Variants in NCALD observed in about 807,000 individuals in gnomAD.
NCALD encodes neurocalcin-delta.
Under a neutral mutation model 18.6 loss-of-function variants are expected in NCALD, and 10 were observed. The observed-to-expected ratio is 0.54, with a 90% CI of 0.33 to 0.91. The LOEUF (loss-of-function observed/expected upper bound fraction) is 0.91, where lower values mean the gene tolerates loss of function less well. Ranked by LOEUF, NCALD falls within the 40% of genes least tolerant of loss-of-function variation. NCALD has a pLI of 0.03. For synonymous variants in NCALD, 88 were observed against 87.4 expected (o/e 1.01, Z -0.04); for missense variants, 184 against 247.6 (o/e 0.74, Z 1.72).
chr8:101,760,147 C>G (rs1459423010), intron 1 of NCALD, among the ~76,000 whole-genome samples: 1 of 152,200 alleles, frequency 6.6e-6, no homozygotes, highest in Non-Finnish European at 1.5e-5. Flanking sequence ...CATCTCTTCC[C>G]ATTTCCTCCA....
intron 2 of NCALD, among the ~76,000 whole-genome samples, chr8:102,012,867 C>T (rs770892546): frequency 6.6e-6 from 1 of 152,116 alleles, no homozygotes; most frequent in Non-Finnish European, 1.5e-5. Context: ...AGCAGATCAC[C>T]ACATTGCAAG....
intron 3 of NCALD, among the ~76,000 whole-genome samples, chr8:101,907,193 T>G (rs1241793916): frequency 6.6e-6 from 1 of 152,208 alleles, no homozygotes; most frequent in Non-Finnish European, 1.5e-5. Context: ...AATGTCCTAC[T>G]CACCTTCTCT....
chr8:101,827,713 G>A (rs1813997391), intron 4 of NCALD, among the ~76,000 whole-genome samples: 1 of 152,146 alleles, frequency 6.6e-6, no homozygotes, highest in Non-Finnish European at 1.5e-5. Context: ...AACACACAAG[G>A]TTGTTAGGAA....
chr8:102,014,358 T>G (rs1237521911), intron 2 of NCALD, among the ~76,000 whole-genome samples: 2 of 152,150 alleles, frequency 1.3e-5, no homozygotes, highest in African/African-American at 4.8e-5. Context: ...TGAATTCCAT[T>G]CATGAGGGCC....
chr8:101,834,324 T>C (rs575164727), intron 4 of NCALD, among the ~76,000 whole-genome samples: 5 of 152,346 alleles, frequency 3.3e-5, no homozygotes, highest in African/African-American at 1.2e-4. Context: ...GCCCCAGGAA[T>C]GGCCTGCAAG....
chr8:101,859,191 G>A (rs550549574), intron 4 of NCALD, among the ~76,000 whole-genome samples: 44 of 152,102 alleles, frequency 2.9e-4, no homozygotes, highest in Admixed American at 9.8e-4. Flanking sequence ...TCTTTCTCCC[G>A]TGCCAGATGC....
chr8:101,691,126 G>A (rs999280315), intron 3 of NCALD: 10 of 985,212 alleles, frequency 1.0e-5, no homozygotes, highest in Non-Finnish European at 1.2e-5. Flanking sequence ...GGGTGCAGGT[G>A]TCCTCAATCC....
intron 4 of NCALD, among the ~76,000 whole-genome samples, chr8:101,829,393 A>C (rs1385516870): frequency 2.6e-5 from 4 of 152,234 alleles, no homozygotes; most frequent in Admixed American, 2.6e-4. Flanking sequence ...ATACAGTGTT[A>C]TAAAGACTCC....
At chr8:102,058,825 T>C (rs1269695) in intron 1 of NCALD, among the ~76,000 whole-genome samples, 16,769 of 152,260 alleles carry the variant, frequency 0.11, 1,191 homozygotes, top group African/African-American at 0.2. Context: ...TAGATTATCA[T>C]AGGTTTTTCA....
chr8:101,924,494 G>A (rs1159387168), intron 2 of NCALD, among the ~76,000 whole-genome samples: 1 of 152,192 alleles, frequency 6.6e-6, no homozygotes. Context: ...TCAGGAAGTG[G>A]AAAAGGCTTA....
intron 1 of NCALD, among the ~76,000 whole-genome samples, chr8:102,117,803 C>A (rs1019258701): frequency 2.0e-5 from 3 of 152,306 alleles, no homozygotes; most frequent in Admixed American, 2.0e-4. Flanking sequence ...ACCCACACCA[C>A]CTATTGACAG....
intron 4 of NCALD, among the ~76,000 whole-genome samples, chr8:101,859,728 T>C (rs73696528): frequency 0.024 from 3,603 of 152,250 alleles, 148 homozygotes; most frequent in African/African-American, 0.082. Context: ...AGAGAAAGGA[T>C]AAGAAGAGTA....
chr8:101,759,567 G>A (rs1038907206), intron 1 of NCALD, among the ~76,000 whole-genome samples: 1 of 152,186 alleles, frequency 6.6e-6, no homozygotes, highest in Non-Finnish European at 1.5e-5. Context: ...CCTGCCTGCT[G>A]TCAGGGCTAG....
rs764922081 is a variant in NCALD at position 102,080,498 on chromosome 8, T to C, written c.-210+43739A>G. ...GTTCTGTTCCTGTCAGAGCTGGTCA[T>C]AGAACTTCAGGGGACCTCAACCCTA... On this transcript the variant is annotated intron_variant, in intron 1 of 6. Transcript: ENST00000311028. Among the ~76,000 whole-genome samples, 64 of 152,318 alleles carry C rather than the reference T, an allele frequency of 4.2e-4. 1 individual carries two copies. The Middle Eastern group carries it at 0.01, about 24-fold the overall frequency.
intron 1 of NCALD, among the ~76,000 whole-genome samples, chr8:102,064,264 G>C (rs1426674188): frequency 6.6e-6 from 1 of 152,124 alleles, no homozygotes; most frequent in Non-Finnish European, 1.5e-5. Context: ...CCAGAGCTCT[G>C]GGAATATCTA....
At chr8:101,721,472 A>T (rs1178206876) in intron 1 of NCALD, 2 of 152,244 alleles carry the variant, frequency 1.3e-5, no homozygotes, top group African/African-American at 4.8e-5. Flanking sequence ...AAGGAGGCTC[A>T]CTGCCAGAAG....
chr8:102,058,929 G>A (rs900587110), intron 1 of NCALD, among the ~76,000 whole-genome samples: 1 of 152,166 alleles, frequency 6.6e-6, no homozygotes, highest in Admixed American at 6.5e-5. Flanking sequence ...GAAGATGGAG[G>A]AGGGGGCTAC....
chr8:101,687,387 T>C lies in NCALD; in HGVS notation c.*1922A>G, dbSNP rs1814516067. 6.6e-6 allele frequency: 1 copy of C among 152,660 alleles called. No homozygotes were observed. The highest frequency in any genetic ancestry group is 1.5e-5 in the Non-Finnish European group (1 of 68,046). 9.5% of individuals were successfully genotyped at this position (152,660 alleles called of 1,614,324 possible). On this transcript the variant is annotated 3_prime_UTR_variant, in exon 4 of 4. Transcript: ENST00000220931. ...ATTTTCCAAACACAGATTTTAACAC[T>C]TGGCCATGGAGGAATTTGGCAAGTT...
intron 4 of NCALD, among the ~76,000 whole-genome samples, chr8:101,878,909 A>C (rs182747204): frequency 6.6e-6 from 1 of 152,324 alleles, no homozygotes; most frequent in East Asian, 1.9e-4. Flanking sequence ...GATGATGAAA[A>C]AAAGCAGCCC....
Sources: allele counts gnomAD v4.1 joint callset (sites outside exome capture counted in the v4.1 genomes callset), GRCh38; gene constraint gnomAD v4.1.1; transcripts MANE v1.5; gene names NCBI Gene and HGNC (gene_info 2026-07-23, HGNC 2026-07-21).